ZSCAN1: variants seen among roughly 807,000 people sequenced by gnomAD.
The protein encoded by ZSCAN1 is zinc finger and SCAN domain containing 1, also known as zinc finger and SCAN domain-containing protein 1.
A neutral mutation model predicts 23.8 loss-of-function variants in ZSCAN1; 23 were observed. That is an observed-to-expected ratio of 0.97 (90% CI 0.70 to 1.37). The LOEUF (loss-of-function observed/expected upper bound fraction) is 1.37, where lower values mean the gene tolerates loss of function less well. ZSCAN1 is among the 40% of genes most tolerant of loss of function. The pLI, the probability that ZSCAN1 is intolerant of heterozygous loss-of-function variation, is 0.00. For missense variants in ZSCAN1, 575 were observed against 554.0 expected, an observed-to-expected ratio of 1.04 and a Z score of -0.38; for synonymous variants, 236 against 232.3, an observed-to-expected ratio of 1.02 and a Z score of -0.15.
intron 4 of ZSCAN1, 81 bp from the exon 5 acceptor site, chr19:58,052,409 C>G: frequency 3.1e-6 from 5 of 1,601,992 alleles, no homozygotes; most frequent in Non-Finnish European, 4.3e-6. Flanking sequence ...GGATGACGCC[C>G]GTTCCTTGGT....
Position 58,037,870 on chromosome 19 carries a change from AG to A in ZSCAN1, c.35del (p.Arg12AsnfsTer56). 1 of 698,138 alleles carries A rather than the reference AG, an allele frequency of 1.4e-6. No individual in the cohort carries two copies. The highest frequency in any genetic ancestry group is 2.1e-6 in the Non-Finnish European group (1 of 470,770). 43.2% of individuals were successfully genotyped at this position (698,138 alleles called of 1,614,324 possible). The part of the protein sequence containing the change: ...LPRPKAPASP[R>X]RPQTPTPSEQ... ...ACGGCCCAAAGCCCCTGCCTCCCCCAGACGCCCCCAGACCCCAACCCCGAGT... is the reference window on the plus strand; with the variant it reads ...ACGGCCCAAAGCCCCTGCCTCCCCCAACGCCCCCAGACCCCAACCCCGAGT... On this transcript the variant is annotated frameshift_variant, in exon 3 of 6. Coordinates refer to ENST00000282326, the MANE Select transcript of ZSCAN1 (RefSeq NM_182572.4). LOFTEE classifies it high-confidence loss of function.
At chr19:58,046,216 T>C in intron 4 of ZSCAN1, 1 of 768,112 alleles carries the variant, frequency 1.3e-6, no homozygotes, top group Non-Finnish European at 2.4e-6. Flanking sequence ...CAGCAATGCC[T>C]GCTCTAAGCT....
rs1450170141 is a variant in ZSCAN1 at position 58,045,043 on chromosome 19, G to A, written c.465+4499G>A. The A allele has an allele frequency of 4.5e-6, 5 of 1,106,184 alleles. No individual in the cohort carries two copies. The highest frequency in any genetic ancestry group is 2.0e-4 in the Middle Eastern group (1 of 5,092). 68.5% of individuals were successfully genotyped at this position (1,106,184 alleles called of 1,614,324 possible). A position where few individuals can be genotyped will look rare whatever the true frequency, so the allele number is the denominator to read the frequency against. Reference sequence around the variant, plus strand: ...CGCAGAGATGGTGGTGAAGTCCCGGGGGCAGAGAGGGTGCTGGGCGAGCTG... The same window carrying A: ...CGCAGAGATGGTGGTGAAGTCCCGGAGGCAGAGAGGGTGCTGGGCGAGCTG... On this transcript the variant is annotated intron_variant, in intron 4 of 5. Coordinates refer to ENST00000282326, the MANE Select transcript of ZSCAN1 (RefSeq NM_182572.4). This position sits in a 1 kb window ranked among gnomAD's most constrained non-coding sequence, Gnocchi z 4.3.
In ZSCAN1 at chr19:58,040,374, C is replaced by T. The variant is rs896168181; in HGVS notation, c.371-76C>T. ...TGCAGGGATGTTCGGGGAAAGTCTGCCCTCCCCAGAAGGCCTGGAGAATTG... is the reference window on the plus strand; with the variant it reads ...TGCAGGGATGTTCGGGGAAAGTCTGTCCTCCCCAGAAGGCCTGGAGAATTG... On this transcript the variant is annotated intron_variant, in intron 3 of 5. Transcript: ENST00000282326. The surrounding 1 kb of genome is among the most constrained non-coding windows in gnomAD (Gnocchi z 5.8). 7.4e-6 allele frequency: 11 copies of T among 1,493,638 alleles called. No individual in the cohort carries two copies. The highest frequency in any genetic ancestry group is 9.3e-6 in the Non-Finnish European group (10 of 1,076,346). The allele number at this position is 1,493,638 out of a possible 1,614,324, so 92.5% of individuals were successfully genotyped here. A position where few individuals can be genotyped will look rare whatever the true frequency, so the allele number is the denominator to read the frequency against.
intron 4 of ZSCAN1, among the ~76,000 whole-genome samples, chr19:58,051,896 G>A (rs1462107378): frequency 6.6e-6 from 1 of 152,212 alleles, no homozygotes; most frequent in African/African-American, 2.4e-5. Context: ...TCGAATTCTT[G>A]CTCTTCAACC....
Position 58,045,549 on chromosome 19 carries a change from C to G in ZSCAN1, c.465+5005C>G. On this transcript the variant is annotated intron_variant, in intron 4 of 5. Transcript: ENST00000282326. The surrounding 1 kb of genome is among the most constrained non-coding windows in gnomAD (Gnocchi z 4.3). ...TGAGCTGACCCTTGACAACCTGACA[C>G]GGCCGCAGCTGGTGGCCCTGTGCAA... 7.4e-7 allele frequency: 1 copy of G among 1,350,848 alleles called. No individual in the cohort carries two copies. Among genetic ancestry groups the G allele is most frequent in the South Asian group, 1.2e-5 (1 of 85,948 alleles). The allele number at this position is 1,350,848 out of a possible 1,614,324, so 83.7% of individuals were successfully genotyped here.
At chr19:58,042,999 G>T (rs2073800687) in intron 4 of ZSCAN1, among the ~76,000 whole-genome samples, 1 of 152,272 alleles carries the variant, frequency 6.6e-6, no homozygotes, top group South Asian at 2.1e-4. Context: ...CCCGCGTGGA[G>T]AGACGGCAGC....
chr19:58,043,015 G>T (rs565185646), intron 4 of ZSCAN1, among the ~76,000 whole-genome samples: 1 of 152,282 alleles, frequency 6.6e-6, no homozygotes, highest in Admixed American at 6.5e-5. Context: ...GCAGCTCCGG[G>T]ATCGGGGCGC....
intron 1 of ZSCAN1, among the ~76,000 whole-genome samples, chr19:58,034,860 C>T (rs1263335461): frequency 2.1e-4 from 31 of 151,136 alleles, no homozygotes. Flanking sequence ...TATGGAACTC[C>T]TCCGTGTGGC....
chr19:58,040,366 A>T lies in ZSCAN1; in HGVS notation c.371-84A>T. The T allele has an allele frequency of 6.9e-7, 1 of 1,445,878 alleles. No individual in the cohort carries two copies. The highest frequency in any genetic ancestry group is 1.2e-5 in the South Asian group (1 of 85,548). 89.6% of individuals were successfully genotyped at this position (1,445,878 alleles called of 1,614,324 possible). A position where few individuals can be genotyped will look rare whatever the true frequency, so the allele number is the denominator to read the frequency against. On this transcript the variant is annotated intron_variant, in intron 3 of 5. Coordinates refer to ENST00000282326, the MANE Select transcript of ZSCAN1 (RefSeq NM_182572.4). The surrounding 1 kb of genome is among the most constrained non-coding windows in gnomAD (Gnocchi z 5.8). Reference sequence around the variant, plus strand: ...AGGGGTGCTGCAGGGATGTTCGGGGAAAGTCTGCCCTCCCCAGAAGGCCTG... The same window carrying T: ...AGGGGTGCTGCAGGGATGTTCGGGGTAAGTCTGCCCTCCCCAGAAGGCCTG...
At chr19:58,034,408 C>A (rs2073717894) in intron 1 of ZSCAN1, among the ~76,000 whole-genome samples, 1 of 150,490 alleles carries the variant, frequency 6.6e-6, no homozygotes, top group Non-Finnish European at 1.5e-5. Flanking sequence ...GGGGCGGGGA[C>A]TGGGGGGGCT....
At chr19:58,042,779 C>A (rs1471923268) in intron 4 of ZSCAN1, among the ~76,000 whole-genome samples, 4 of 152,218 alleles carry the variant, frequency 2.6e-5, no homozygotes, top group Non-Finnish European at 5.9e-5. Flanking sequence ...CCTCACCACA[C>A]GGCAACTCCA....
intron 4 of ZSCAN1, chr19:58,046,122 G>A: frequency 2.8e-6 from 2 of 702,588 alleles, no homozygotes; most frequent in South Asian, 3.3e-5. Context: ...ACACTGTCCT[G>A]CAGTCAGAGA....
rs905667623 is a variant in ZSCAN1, at chr19:58,049,901, G to A, written c.466-2589G>A. Reference sequence around the variant, plus strand: ...TCTCACCGGTGAGCTTTTTCTTGTGGGCATTCTCGGGTTTTTTCACTTTAC... The same window carrying A: ...TCTCACCGGTGAGCTTTTTCTTGTGAGCATTCTCGGGTTTTTTCACTTTAC... On this transcript the variant is annotated intron_variant, in intron 4 of 5. Transcript: ENST00000282326. This position sits in a 1 kb window ranked among gnomAD's most constrained non-coding sequence, Gnocchi z 4.5. Among the ~76,000 whole-genome samples the A allele has an allele frequency of 1.3e-5, 2 of 152,042 alleles. No homozygotes were observed. Among genetic ancestry groups the A allele is most frequent in the Admixed American group, 6.5e-5 (1 of 15,268 alleles).
chr19:58,040,596 C>T lies in ZSCAN1; in HGVS notation c.465+52C>T, dbSNP rs769161736. 23 of 1,573,924 alleles carry T rather than the reference C, an allele frequency of 1.5e-5. No homozygotes were observed. The highest frequency in any genetic ancestry group is 1.8e-5 in the Non-Finnish European group (21 of 1,145,908). ...CTCCTGCACCCCAGGGCATGCGTGC[C>T]GCTTCTGGGACGGCCTCAAGGATGC... is the stretch of plus-strand genomic sequence containing the variant. On this transcript the variant is annotated intron_variant, in intron 4 of 5. Transcript: ENST00000282326. The surrounding 1 kb of genome is among the most constrained non-coding windows in gnomAD (Gnocchi z 5.8).
rs1568602593 is a variant in ZSCAN1, at chr19:58,040,587, C to T, written c.465+43C>T. 6.3e-7 allele frequency: 1 copy of T among 1,588,504 alleles called. No individual in the cohort carries two copies. Among genetic ancestry groups the T allele is most frequent in the Non-Finnish European group, 8.6e-7 (1 of 1,158,312 alleles). ...AGCTCCGTGCTCCTGCACCCCAGGG[C>T]ATGCGTGCCGCTTCTGGGACGGCCT... On this transcript the variant is annotated intron_variant, in intron 4 of 5. Transcript: ENST00000282326. This position sits in a 1 kb window ranked among gnomAD's most constrained non-coding sequence, Gnocchi z 5.8.
chr19:58,047,616 G>A lies in ZSCAN1; in HGVS notation c.466-4874G>A, dbSNP rs1317213683. 6.6e-6 allele frequency among the ~76,000 whole-genome samples: 1 copy of A among 152,186 alleles called. No homozygotes were observed. ...GGATGAGCCTGGCTCGGGTTGGTGG[G>A]GCTCTGAAGCACATTTGGGGTTCTT... On this transcript the variant is annotated intron_variant, in intron 4 of 5. Coordinates refer to ENST00000282326, the MANE Select transcript of ZSCAN1 (RefSeq NM_182572.4). This position sits in a 1 kb window ranked among gnomAD's most constrained non-coding sequence, Gnocchi z 4.9.
Position 58,053,880 on chromosome 19 carries a change from C to A in ZSCAN1, c.1056C>A (p.Pro352=), listed in dbSNP as rs374905480. ...TGGAGCCACCGAGGAAGAAAGCCCC[C>A]CGGAGCAAGGGCCCCCGGGAGTCCG... is the stretch of plus-strand genomic sequence containing the variant. ...HLLEPPRKKA[P]RSKGPRESVP... is the part of the protein sequence containing the mutation. Residue 352 remains proline (P), a synonymous_variant, in exon 6 of 6, where the codon CCC becomes CCA. Coordinates refer to ENST00000282326, the MANE Select transcript of ZSCAN1 (RefSeq NM_182572.4). This position sits in a 1 kb window ranked among gnomAD's most constrained non-coding sequence, Gnocchi z 5.8. 1.4e-5 allele frequency: 23 copies of A among 1,613,710 alleles called. No homozygotes were observed. In the African/African-American group the frequency reaches 2.9e-4, roughly 21 times the overall value.
At chr19:58,036,285 C>T (rs8103013) in intron 2 of ZSCAN1, among the ~76,000 whole-genome samples, 1,862 of 152,244 alleles carry the variant, frequency 0.012, 44 homozygotes, top group African/African-American at 0.042. Context: ...GCATCTTGCA[C>T]GCAGTCTACC....
Sources: allele counts gnomAD v4.1 joint callset (sites outside exome capture counted in the v4.1 genomes callset), GRCh38; gene constraint gnomAD v4.1.1; non-coding constraint Gnocchi (gnomAD v3.1); transcripts MANE v1.5; gene names NCBI Gene and HGNC (gene_info 2026-07-23, HGNC 2026-07-21).